The following VTI1A variants were observed in gnomAD, a reference collection of about 807,000 sequenced individuals.
VTI1A encodes the protein vesicle transport through interaction with t-SNAREs 1A.
Under a neutral mutation model 34.9 loss-of-function variants are expected in VTI1A, and 22 were observed. The observed-to-expected ratio is 0.63, with a 90% CI of 0.45 to 0.90. VTI1A has a LOEUF of 0.90. VTI1A is among the 40% of genes least tolerant of loss of function. The pLI, the probability that VTI1A is intolerant of heterozygous loss-of-function variation, is 0.00. For missense variants in VTI1A, 268 were observed against 275.6 expected, an observed-to-expected ratio of 0.97 and a Z score of 0.20; for synonymous variants, 87 against 97.3, an observed-to-expected ratio of 0.89 and a Z score of 0.62.
intron 5 of VTI1A, among the ~76,000 whole-genome samples, chr10:112,637,589 G>A (rs1846404672): frequency 6.6e-6 from 1 of 152,124 alleles, no homozygotes; most frequent in Non-Finnish European, 1.5e-5. Context: ...AACCCAGGAG[G>A]TGGAGGTTGC....
chr10:112,577,007 A>G (rs1029097425), intron 5 of VTI1A, among the ~76,000 whole-genome samples: 3 of 152,238 alleles, frequency 2.0e-5, no homozygotes, highest in African/African-American at 7.2e-5. Context: ...TAATCCGTCT[A>G]TAAGGTCACA....
At chr10:112,450,337 G>T (rs1488176924) in intron 1 of VTI1A, 1 of 152,184 alleles carries the variant, frequency 6.6e-6, no homozygotes, top group African/African-American at 2.4e-5. Flanking sequence ...GTCTGTAGAT[G>T]AACAGACATT....
At chr10:112,485,528 G>T (rs1038542044) in intron 3 of VTI1A, among the ~76,000 whole-genome samples, 2 of 152,138 alleles carry the variant, frequency 1.3e-5, no homozygotes, top group African/African-American at 4.8e-5. Context: ...TTTATATTAA[G>T]ACCAAACTAA....
At chr10:112,548,593 G>T (rs1449329889) in intron 5 of VTI1A, 4 of 845,450 alleles carry the variant, frequency 4.7e-6, no homozygotes, top group Non-Finnish European at 8.0e-6. Context: ...AGGGTGGCAG[G>T]TATTATTCAT....
intron 7 of VTI1A, among the ~76,000 whole-genome samples, chr10:112,721,769 A>C (rs1849813959): frequency 6.6e-6 from 1 of 152,058 alleles, no homozygotes; most frequent in Admixed American, 6.5e-5. Context: ...TAGAAGTTAT[A>C]GGGAGGCTAA....
chr10:112,517,066 G>T (rs1332328595), intron 3 of VTI1A, among the ~76,000 whole-genome samples: 1 of 152,048 alleles, frequency 6.6e-6, no homozygotes, highest in Non-Finnish European at 1.5e-5. Flanking sequence ...GTGAGAAGTG[G>T]GCTAAGGACG....
intron 7 of VTI1A, among the ~76,000 whole-genome samples, chr10:112,770,011 A>G (rs1445949595): frequency 6.6e-6 from 1 of 151,678 alleles, no homozygotes; most frequent in African/African-American, 2.4e-5. Context: ...GAATGCTTGC[A>G]TTCTGGATTA....
At chr10:112,589,049 G>A (rs1844276217) in intron 5 of VTI1A, among the ~76,000 whole-genome samples, 1 of 139,718 alleles carries the variant, frequency 7.2e-6, no homozygotes, top group Admixed American at 7.4e-5. Context: ...TTAACTTACA[G>A]TGAATGTACA....
intron 4 of VTI1A, among the ~76,000 whole-genome samples, chr10:112,537,049 C>T (rs1364759064): frequency 6.6e-6 from 1 of 151,806 alleles, no homozygotes; most frequent in African/African-American, 2.4e-5. Flanking sequence ...CAAGGTAGAT[C>T]GTTTCGCTCG....
At chr10:112,822,310 A>G (rs1853668546), downstream of VTI1A, among the ~76,000 whole-genome samples, 1 of 152,146 alleles carries the variant, frequency 6.6e-6, no homozygotes, top group Non-Finnish European at 1.5e-5. Context: ...GCAGGCAAAC[A>G]TGGGAGCCTG....
chr10:112,752,504 T>C (rs1332666211), intron 7 of VTI1A: 1 of 985,352 alleles, frequency 1.0e-6, no homozygotes, highest in Non-Finnish European at 1.2e-6. Flanking sequence ...TTGACCTTTG[T>C]GCTATTTGAG....
intron 3 of VTI1A, among the ~76,000 whole-genome samples, chr10:112,495,521 G>C (rs1848985853): frequency 6.6e-6 from 1 of 152,064 alleles, no homozygotes; most frequent in South Asian, 2.1e-4. Context: ...TTTTATTTTG[G>C]TAGGGGAATA....
chr10:112,537,532 G>T (rs947600423), intron 4 of VTI1A, among the ~76,000 whole-genome samples: 1 of 151,588 alleles, frequency 6.6e-6, no homozygotes, highest in Non-Finnish European at 1.5e-5. Context: ...TATAAAAGAG[G>T]TATATATAAT....
chr10:112,690,075 T>C (rs1848561338), intron 7 of VTI1A, among the ~76,000 whole-genome samples: 1 of 152,204 alleles, frequency 6.6e-6, no homozygotes, highest in East Asian at 1.9e-4. Flanking sequence ...AATTAATCCA[T>C]GTAGTTGCAT....
At chr10:112,517,850 C>G (rs1021393514) in intron 3 of VTI1A, among the ~76,000 whole-genome samples, 1 of 151,920 alleles carries the variant, frequency 6.6e-6, no homozygotes, top group Non-Finnish European at 1.5e-5. Flanking sequence ...GAAGTCATGA[C>G]TACTAAATAT....
chr10:112,647,716 A>T (rs542624211), intron 5 of VTI1A, among the ~76,000 whole-genome samples: 1 of 152,084 alleles, frequency 6.6e-6, no homozygotes, highest in East Asian at 1.9e-4. Context: ...CCACATAGAA[A>T]TTTTTTGTAA....
chr10:112,836,396 C>T, the VTI1A span, among the ~76,000 whole-genome samples: 12 of 152,242 alleles, frequency 7.9e-5, no homozygotes, highest in African/African-American at 2.2e-4. Flanking sequence ...GTGACCTGCC[C>T]GAGGGCACAC....
At chr10:112,763,434 A>G (rs1303028126) in intron 7 of VTI1A, among the ~76,000 whole-genome samples, 2 of 137,918 alleles carry the variant, frequency 1.5e-5, no homozygotes, top group African/African-American at 5.7e-5. Context: ...GCGAGACACC[A>G]TCTCAAAAAA....
chr10:112,737,028 G>T, intron 7 of VTI1A: 1 of 516,766 alleles, frequency 1.9e-6, no homozygotes, highest in Non-Finnish European at 3.4e-6. Context: ...AATAATCAAG[G>T]GAGAAACCCA....
Sources: gnomAD v4.1 joint callset for allele counts (sites outside exome capture counted in the v4.1 genomes callset) on GRCh38, gnomAD v4.1.1 for gene constraint, MANE v1.5 for transcripts, NCBI Gene and HGNC (gene_info 2026-07-23, HGNC 2026-07-21) for gene names.